Variants in POLD1 observed in about 807,000 individuals in gnomAD.
The protein encoded by POLD1 is DNA polymerase delta 1, catalytic subunit.
In POLD1, 79 loss-of-function variants were observed where a neutral mutation model predicts 129.7. That is an observed-to-expected ratio of 0.61 (90% CI 0.51 to 0.73). The LOEUF (loss-of-function observed/expected upper bound fraction) is 0.73, where lower values mean the gene tolerates loss of function less well. POLD1 is among the 30% of genes least tolerant of loss of function. The pLI is 0.00. For synonymous variants in POLD1, 714 were observed against 683.3 expected (o/e 1.04, Z -0.70); for missense variants, 1,338 against 1,595.8 (o/e 0.84, Z 2.75).
intron 3 of POLD1, among the ~76,000 whole-genome samples, chr19:50,401,353 ATTTGTG>A (rs200112607): frequency 3.9e-3 from 361 of 93,358 alleles, no homozygotes; most frequent in South Asian, 0.033. Flanking sequence ...ATGTGTGTGT[ATTTGTG>A]TATATGTGTA....
In POLD1 at chr19:50,417,509, C is replaced by T. The variant is rs968049669; in HGVS notation, c.3218+240C>T. On this transcript the variant is annotated intron_variant, in intron 26 of 26. Coordinates refer to ENST00000440232, the MANE Select transcript of POLD1 (RefSeq NM_002691.4). ...CCGGCACCCAGTGTTGCCCGGGAAA[C>T]GGCTGTCCTCCCGACACACCCAGCC... Among the ~76,000 whole-genome samples, 8 of 152,138 alleles carry T rather than the reference C, an allele frequency of 5.3e-5. No individual in the cohort carries two copies. In the East Asian group the frequency reaches 9.6e-4, roughly 18 times the overall value.
chr19:50,402,770 G>A (rs746719867), intron 8 of POLD1, 29 bp downstream of exon 8: 48 of 1,562,406 alleles, frequency 3.1e-5, no homozygotes, highest in Admixed American at 3.6e-5. Flanking sequence ...GCTCCTGCCC[G>A]CCTCATTGAT....
chr19:50,407,465 G>C, intron 14 of POLD1, 50 bp downstream of exon 14: 1 of 1,260,254 alleles, frequency 7.9e-7, no homozygotes, highest in South Asian at 1.4e-5. Context: ...CTGGGAGGCT[G>C]AGGTGGGAGG....
At chr19:50,386,108 T>G (rs1217609164) in intron 1 of POLD1, among the ~76,000 whole-genome samples, 1 of 151,738 alleles carries the variant, frequency 6.6e-6, no homozygotes, top group Non-Finnish European at 1.5e-5. Context: ...CCAGAGTGGT[T>G]GATATTCACA....
chr19:50,401,074 G>C (rs1449689728), intron 3 of POLD1, among the ~76,000 whole-genome samples: 1 of 151,352 alleles, frequency 6.6e-6, no homozygotes, highest in Non-Finnish European at 1.5e-5. Flanking sequence ...GATCACTTGA[G>C]GACAGGAGTT....
intron 1 of POLD1, among the ~76,000 whole-genome samples, chr19:50,397,337 G>A (rs145895754): frequency 5.1e-4 from 77 of 151,848 alleles, no homozygotes; most frequent in African/African-American, 1.6e-3. Context: ...CCCGGGAAGC[G>A]GAAGTTGCAG....
chr19:50,415,769 C>G lies in POLD1; in HGVS notation c.2763C>G (p.Arg921=). The G allele has an allele frequency of 2.5e-6, 4 of 1,571,068 alleles. No individual in the cohort carries two copies. The highest frequency in any genetic ancestry group is 3.4e-6 in the Non-Finnish European group (4 of 1,160,794). ...GGAGTGCGCCCAGCCTGGGCGACCG[C>G]GTCCCCTACGTGATCATCAGTGCCG... ...DPGSAPSLGD[R]VPYVIISAAK... Residue 921 remains arginine, a synonymous_variant, in exon 22 of 27, where the codon CGC becomes CGG. Transcript: ENST00000440232.
In POLD1 at chr19:50,402,069, G is replaced by T. The variant is rs376129517; in HGVS notation, c.534G>T (p.Gly178=). Residue 178 remains glycine, a synonymous_variant, in exon 5 of 27, where the codon GGG becomes GGT. Coordinates refer to ENST00000440232, the MANE Select transcript of POLD1 (RefSeq NM_002691.4). The part of the protein sequence containing the change: ...LNLAISRDSR[G]GRELTGPAVL... Reference sequence around the variant, plus strand: ...TGGCCATCAGCCGGGACAGTCGCGGGGGGAGGGAGCTGACTGGGCCGGCCG... The same window carrying T: ...TGGCCATCAGCCGGGACAGTCGCGGTGGGAGGGAGCTGACTGGGCCGGCCG... The T allele has an allele frequency of 1.7e-5, 28 of 1,613,972 alleles. No individual in the cohort carries two copies. Among genetic ancestry groups the T allele is most frequent in the Admixed American group, 1.5e-4 (9 of 60,004 alleles).
At chr19:50,415,994 C>G (rs1011766046) in intron 22 of POLD1, 168 bp downstream of exon 22, 1 of 602,242 alleles carries the variant, frequency 1.7e-6, no homozygotes, top group Admixed American at 3.0e-5. Context: ...TGGAGGTCCC[C>G]CCTCTATTCT....
rs563625252 is a variant in POLD1, at chr19:50,416,535, G to T, written c.2953+7G>T. On this transcript the variant is annotated splice_region_variant and intron_variant, in intron 23 of 26. Coordinates refer to ENST00000440232, the MANE Select transcript of POLD1 (RefSeq NM_002691.4). ...GCCGAGGCTGTGCTACTGCGTACGG[G>T]GGCACCAGGGGACTGGGGGCACCCT... The T allele has an allele frequency of 6.4e-7, 1 of 1,551,920 alleles. No homozygotes were observed. The highest frequency in any genetic ancestry group is 2.4e-5 in the East Asian group (1 of 41,260).
At chr19:50,415,325 C>A in intron 20 of POLD1, 113 bp from the exon 21 acceptor site, 2 of 1,107,772 alleles carry the variant, frequency 1.8e-6, no homozygotes, top group Non-Finnish European at 2.6e-6. Context: ...CCCCTCTCTG[C>A]CCTGAGCCTC....
chr19:50,401,916 C>T lies in POLD1; in HGVS notation c.455C>T (p.Ala152Val), dbSNP rs41563714. The T allele has an allele frequency of 5.9e-4, 960 of 1,614,070 alleles. No homozygotes were observed. The highest frequency in any genetic ancestry group is 7.4e-4 in the Non-Finnish European group (868 of 1,179,970). Residue 152 changes from alanine (A) to valine (V), a missense_variant, in exon 4 of 27, where the codon GCG becomes GTG. Around this residue, in one of 3 missense-constraint regions of POLD1, gnomAD observed 332 missense variants for 315.7 expected, o/e 1.05. Transcript: ENST00000440232. The part of the protein sequence containing the change: ...HGFAPYFYTP[A>V]PPGFGPEHMG... ...TTCGCTCCCTACTTCTACACCCCAG[C>T]GCCCCCTGGTGAGTGGCCCCTACCC...
Position 50,409,045 on chromosome 19 carries a change from C to T in POLD1, c.1893-77C>T. ...TGAGGGGCCTGCGTGTGCTCATGGC[C>T]AAGGCCAGGACCGTAGGGCAGAGGT... On this transcript the variant is annotated intron_variant, in intron 15 of 26. Coordinates refer to ENST00000440232, the MANE Select transcript of POLD1 (RefSeq NM_002691.4). This position sits in a 1 kb window ranked among gnomAD's most constrained non-coding sequence, Gnocchi z 5.8. 1 of 1,356,320 alleles carries T rather than the reference C, an allele frequency of 7.4e-7. No individual in the cohort carries two copies. The highest frequency in any genetic ancestry group is 1.0e-6 in the Non-Finnish European group (1 of 954,512). The allele number at this position is 1,356,320 out of a possible 1,614,324, so 84.0% of individuals were successfully genotyped here. A position where few individuals can be genotyped will look rare whatever the true frequency, so the allele number is the denominator to read the frequency against.
At chr19:50,407,861 C>T (rs1056983356) in intron 14 of POLD1, among the ~76,000 whole-genome samples, 3 of 150,602 alleles carry the variant, frequency 2.0e-5, no homozygotes, top group Non-Finnish European at 3.0e-5. Context: ...CGTGAGCCAC[C>T]GTGCCCGGCC....
In POLD1 at chr19:50,407,039, C is replaced by T. The variant is rs769426460; in HGVS notation, c.1551C>T (p.Tyr517=). Reference sequence around the variant, plus strand: ...CTGTGTACTGCCTGAAGGATGCCTACCTGCCACTGCGGCTGCTGGAGCGGC... The same window carrying T: ...CTGTGTACTGCCTGAAGGATGCCTATCTGCCACTGCGGCTGCTGGAGCGGC... ...RLAVYCLKDA[Y]LPLRLLERLM... Residue 517 remains tyrosine, a synonymous_variant, in exon 13 of 27, where the codon TAC becomes TAT. Transcript: ENST00000440232. 13 of 1,613,648 alleles carry T rather than the reference C, an allele frequency of 8.1e-6. 1 individual carries two copies. The South Asian group carries it at 9.9e-5, about 12-fold the overall frequency.
chr19:50,394,531 T>A (rs566655634), intron 1 of POLD1, among the ~76,000 whole-genome samples: 1 of 152,078 alleles, frequency 6.6e-6, no homozygotes, highest in African/African-American at 2.4e-5. Flanking sequence ...GGTGGACGCC[T>A]GTAATCCCAG....
At chr19:50,417,690 CG>C in intron 26 of POLD1, 151 bp from the exon 27 acceptor site, 3 of 422,734 alleles carry the variant, frequency 7.1e-6, no homozygotes, top group South Asian at 2.2e-5. Context: ...CCACCCCCCC[CG>C]TGCCTGCTGA....
rs541483366 is a variant in POLD1, at chr19:50,413,824, C to T, written c.2333C>T (p.Ala778Val). 4.8e-5 allele frequency: 77 copies of T among 1,612,066 alleles called. 2 individuals carry two copies. In the South Asian group the frequency reaches 8.1e-4, roughly 17 times the overall value. The change falls in exon 19 of 27, where the codon GCC (alanine) becomes GTC (valine). Residue 778 changes from alanine (A) to valine (V), a missense_variant. Ala to Val is a moderately conservative substitution (Grantham distance 64). Transcript: ENST00000440232. ...GAGGCGATGGCCCTGGGGCGGGAGG[C>T]CGCGGACTGGGTGTCAGGTCACTTC... ...VAEAMALGRE[A>V]ADWVSGHFPS...
Position 50,414,863 on chromosome 19 carries a change from C to T in POLD1, c.2437C>T (p.Leu813Phe), listed in dbSNP as rs2039215991. The T allele has an allele frequency of 6.2e-7, 1 of 1,604,824 alleles. No homozygotes were observed. The highest frequency in any genetic ancestry group is 8.5e-7 in the Non-Finnish European group (1 of 1,174,058). Residue 813 changes from leucine (L) to phenylalanine (F), a missense_variant, in exon 20 of 27, where the codon CTC becomes TTC. By Grantham distance (22) the Leu-to-Phe change is conservative. Transcript: ENST00000440232. ...CAGCAAGAAGCGCTACGCGGGCCTG[C>T]TCTTCTCCTCCCGGCCCGACGCCCA... is the stretch of plus-strand genomic sequence containing the variant. ...LISKKRYAGL[L>F]FSSRPDAHDR...
Sources: allele counts gnomAD v4.1 joint callset (sites outside exome capture counted in the v4.1 genomes callset), GRCh38; gene constraint gnomAD v4.1.1; regional missense constraint gnomAD v4.1.1; non-coding constraint Gnocchi (gnomAD v3.1); transcripts MANE v1.5; gene names NCBI Gene and HGNC (gene_info 2026-07-23, HGNC 2026-07-21).